Variants in PWWP3A observed in about 807,000 individuals in gnomAD.
The protein encoded by PWWP3A is PWWP domain-containing DNA repair factor 3A.
A neutral mutation model predicts 79.0 loss-of-function variants in PWWP3A; 53 were observed. That is an observed-to-expected ratio of 0.67 (90% CI 0.54 to 0.84). PWWP3A has a LOEUF of 0.84. PWWP3A is among the 40% of genes least tolerant of loss of function. The probability of loss-of-function intolerance (pLI) is 0.00; values close to 1 mark genes in which losing one functional copy is unlikely to be tolerated. For synonymous variants in PWWP3A, 443 were observed against 394.4 expected (o/e 1.12, Z -1.46); for missense variants, 973 against 948.0 (o/e 1.03, Z -0.35).
rs566422717 is a variant in PWWP3A at position 1,359,944 on chromosome 19, T to C, written c.215-192T>C. On this transcript the variant is annotated intron_variant, in intron 4 of 13. Transcript: ENST00000591337. ...AAAAATGAAGCCTCGAATCCCGGAA[T>C]GAATAGCTGTCGTTCTGTAGCCTCG... 57 of 524,062 alleles carry C rather than the reference T, an allele frequency of 1.1e-4. No homozygotes were observed. In the South Asian group the frequency reaches 2.4e-3, roughly 22 times the overall value. 32.5% of individuals were successfully genotyped at this position (524,062 alleles called of 1,614,324 possible). A position where few individuals can be genotyped will look rare whatever the true frequency, so the allele number is the denominator to read the frequency against.
intron 6 of PWWP3A, 29 bp from the exon 7 acceptor site, chr19:1,364,480 T>G: frequency 6.5e-7 from 1 of 1,548,618 alleles, no homozygotes; most frequent in Non-Finnish European, 8.8e-7. Context: ...ATTCTTTTTT[T>G]TTTGTTTTTC....
rs1015551848 is a variant in PWWP3A, at chr19:1,355,117, G to C, written c.-88G>C. On this transcript the variant is annotated 5_prime_UTR_variant, in exon 1 of 14. Transcript: ENST00000591337. ...TTGCCCGGGCTTGGGGCGCCGCGCT[G>C]GGGAAAGCCGGGGGCCCGGTGAGCC... The C allele has an allele frequency of 1.3e-5, 2 of 152,406 alleles. No homozygotes were observed. The highest frequency in any genetic ancestry group is 4.8e-5 in the African/African-American group (2 of 41,356). The allele number at this position is 152,406 out of a possible 1,614,324, so 9.4% of individuals were successfully genotyped here. A position where few individuals can be genotyped will look rare whatever the true frequency, so the allele number is the denominator to read the frequency against.
intron 13 of PWWP3A, among the ~76,000 whole-genome samples, chr19:1,376,041 T>C (rs1568967730): frequency 4.6e-5 from 7 of 150,956 alleles, no homozygotes; most frequent in Admixed American, 4.6e-4. Flanking sequence ...GAACTCCTGA[T>C]CTCGTGATCC....
chr19:1,355,519 T>C (rs1294706073), intron 1 of PWWP3A, among the ~76,000 whole-genome samples: 1 of 85,538 alleles, frequency 1.2e-5, no homozygotes, highest in Admixed American at 1.7e-4. Flanking sequence ...CCCTGCCACC[T>C]GGACCCTCCG....
Position 1,375,639 on chromosome 19 carries a change from ATAAT to A in PWWP3A, c.2076-879_2076-876del, listed in dbSNP as rs1217947076. On this transcript the variant is annotated intron_variant, in intron 13 of 13. Coordinates refer to ENST00000591337, the MANE Select transcript of PWWP3A (RefSeq NM_001369789.1). ...ATTATATAACAATTTTATATATTAT[ATAAT>A]ATATAATTGTATATATTATATATAA... 4.4e-4 allele frequency among the ~76,000 whole-genome samples: 3 copies of A among 6,848 alleles called. No individual in the cohort carries two copies. The East Asian group carries it at 0.028, about 65-fold the overall frequency. 4.5% of individuals were successfully genotyped at this position (6,848 alleles called of 152,430 possible). A position where few individuals can be genotyped will look rare whatever the true frequency, so the allele number is the denominator to read the frequency against.
rs947679172 is a variant in PWWP3A, at chr19:1,360,870, G to A, written c.949G>A (p.Glu317Lys). The change falls in exon 5 of 14, where the codon GAG becomes AAG. Residue 317 changes from glutamate to lysine, a missense_variant. Transcript: ENST00000591337. This position sits in a 1 kb window ranked among gnomAD's most constrained non-coding sequence, Gnocchi z 4.4. Reference sequence around the variant, plus strand: ...CCAAAGGCCGCCTGCCGTGCAGCTGGAGCCCATGGCAGCAGGGGCCGCACC... The same window carrying A: ...CCAAAGGCCGCCTGCCGTGCAGCTGAAGCCCATGGCAGCAGGGGCCGCACC... The part of the protein sequence containing the change: ...GSQRPPAVQL[E>K]PMAAGAAPSP... 8 of 1,547,662 alleles carry A rather than the reference G, an allele frequency of 5.2e-6. No individual in the cohort carries two copies. The Admixed American group carries it at 1.0e-4, about 20-fold the overall frequency.
At chr19:1,375,114 T>C (rs1418734554) in intron 13 of PWWP3A, among the ~76,000 whole-genome samples, 6 of 149,806 alleles carry the variant, frequency 4.0e-5, no homozygotes, top group Non-Finnish European at 7.4e-5. Context: ...TCCCAGCTAC[T>C]CAGCAGGCTG....
intron 12 of PWWP3A, 179 bp downstream of exon 12, chr19:1,371,257 G>T (rs772062854): frequency 1.3e-6 from 1 of 773,082 alleles, no homozygotes. Context: ...GAGTGCGTGC[G>T]CTTGACCCTG....
At chr19:1,358,742 C>T (rs939394666) in intron 4 of PWWP3A, 3 of 1,324,868 alleles carry the variant, frequency 2.3e-6, no homozygotes, top group Non-Finnish European at 3.1e-6. Flanking sequence ...GCCTCCAGTA[C>T]ACAAGACGAG....
chr19:1,374,669 A>G (rs2082328427), intron 13 of PWWP3A, among the ~76,000 whole-genome samples: 1 of 152,180 alleles, frequency 6.6e-6, no homozygotes, highest in African/African-American at 2.4e-5. Flanking sequence ...AGGGGTTGCT[A>G]GCTAAGCAAT....
At chr19:1,373,632 A>G (rs1299258120) in intron 13 of PWWP3A, 3 of 159,328 alleles carry the variant, frequency 1.9e-5, no homozygotes, top group Non-Finnish European at 4.1e-5. Flanking sequence ...AGAGCGCCTA[A>G]TCCTGTCTCT....
Position 1,367,317 on chromosome 19 carries a change from G to A in PWWP3A, c.1422+97G>A, listed in dbSNP as rs190631529. On this transcript the variant is annotated intron_variant, in intron 9 of 13. Transcript: ENST00000591337. Reference sequence around the variant, plus strand: ...AGCTCTTGAAATCCATGGCTGCGGTGTACGCGTGTGAATGATTGTGGGAAG... The same window carrying A: ...AGCTCTTGAAATCCATGGCTGCGGTATACGCGTGTGAATGATTGTGGGAAG... The A allele has an allele frequency of 1.6e-5, 17 of 1,038,252 alleles. No individual in the cohort carries two copies. The Middle Eastern group carries it at 6.2e-4, about 38-fold the overall frequency. The allele number at this position is 1,038,252 out of a possible 1,614,324, so 64.3% of individuals were successfully genotyped here.
chr19:1,366,475 G>T, intron 8 of PWWP3A, 94 bp downstream of exon 8: 1 of 1,173,900 alleles, frequency 8.5e-7, no homozygotes. Context: ...AGGGACAGAG[G>T]GGAGGCCCCG....
chr19:1,370,094 G>C (rs1039562947), intron 11 of PWWP3A, among the ~76,000 whole-genome samples: 1 of 152,170 alleles, frequency 6.6e-6, no homozygotes, highest in Non-Finnish European at 1.5e-5. Flanking sequence ...TGAGCTGGGC[G>C]TGTGGCTTGC....
chr19:1,363,242 TC>T (rs1555770478), intron 6 of PWWP3A, among the ~76,000 whole-genome samples: 1 of 152,240 alleles, frequency 6.6e-6, no homozygotes, highest in Non-Finnish European at 1.5e-5. Context: ...TGAGTGCTTT[TC>T]CATCATTGAA....
intron 12 of PWWP3A, 105 bp downstream of exon 12, chr19:1,371,183 C>G: frequency 7.4e-7 from 1 of 1,349,542 alleles, no homozygotes; most frequent in Non-Finnish European, 1.0e-6. Flanking sequence ...GCTCCCTGGC[C>G]GTTCGGCGGC....
At position 1,375,615 on chromosome 19, in the gene PWWP3A, TTA is replaced by T. The variant is rs1173265354; in HGVS notation, c.2076-899_2076-898del. 3.6e-4 allele frequency among the ~76,000 whole-genome samples: 50 copies of T among 138,084 alleles called. 1 individual carries two copies. Among genetic ancestry groups the T allele is most frequent in the Admixed American group, 5.4e-4 (7 of 13,056 alleles). 90.6% of individuals were successfully genotyped at this position (138,084 alleles called of 152,430 possible). A position where few individuals can be genotyped will look rare whatever the true frequency, so the allele number is the denominator to read the frequency against. On this transcript the variant is annotated intron_variant, in intron 13 of 13. Coordinates refer to ENST00000591337, the MANE Select transcript of PWWP3A (RefSeq NM_001369789.1). ...ATTTTATATATTATAATATATACAA[TTA>T]TATAACAATTTTATATATTATATAA... is the stretch of plus-strand genomic sequence containing the variant.
In PWWP3A at chr19:1,360,584, A is replaced by G; in HGVS notation, c.663A>G (p.Ser221=). The change falls in exon 5 of 14, where the codon TCA becomes TCG. Residue 221 remains serine (S), a synonymous_variant. Transcript: ENST00000591337. This position sits in a 1 kb window ranked among gnomAD's most constrained non-coding sequence, Gnocchi z 4.4. ...TTGCAAGTAAGAGGGGAGGAAACTC[A>G]GCGCAGAAGGCTAGCTTGTGCCTGA... ...WTLASKRGGN[S]AQKASLCLNG... is the part of the protein sequence containing the mutation. The G allele has an allele frequency of 1.2e-6, 2 of 1,614,238 alleles. No homozygotes were observed. The highest frequency in any genetic ancestry group is 1.1e-5 in the South Asian group (1 of 91,086).
At position 1,360,664 on chromosome 19, in the gene PWWP3A, G is replaced by A; in HGVS notation, c.743G>A (p.Gly248Asp). 6.2e-7 allele frequency: 1 copy of A among 1,613,044 alleles called. No homozygotes were observed. The highest frequency in any genetic ancestry group is 8.5e-7 in the Non-Finnish European group (1 of 1,179,328). ...GAGAGAGACATGGGGAGCAAAGGAG[G>A]CAGCTGGGCAGCCCCGTCCTTGCCC... ...DTERDMGSKG[G>D]SWAAPSLPSG... The change falls in exon 5 of 14, where the codon GGC (glycine) becomes GAC (aspartate). Residue 248 changes from glycine (G) to aspartate (D), a missense_variant. Gly to Asp is a moderately conservative substitution (Grantham distance 94). Transcript: ENST00000591337. The surrounding 1 kb of genome is among the most constrained non-coding windows in gnomAD (Gnocchi z 4.4).
Sources: allele counts gnomAD v4.1 joint callset (sites outside exome capture counted in the v4.1 genomes callset), GRCh38; gene constraint gnomAD v4.1.1; non-coding constraint Gnocchi (gnomAD v3.1); transcripts MANE v1.5; gene names NCBI Gene and HGNC (gene_info 2026-07-23, HGNC 2026-07-21).